The following FHIT variants were observed in gnomAD, a reference collection of about 807,000 sequenced individuals.
The protein encoded by FHIT is bis(5'-adenosyl)-triphosphatase.
In FHIT, 19 loss-of-function variants were observed where a neutral mutation model predicts 17.9. The ratio of observed to expected loss-of-function variants is 1.06; its 90% confidence interval spans 0.74 to 1.56. FHIT has a LOEUF of 1.56. Ranked by LOEUF, FHIT falls within the 40% of genes most tolerant of loss-of-function variation. The pLI, the probability that FHIT is intolerant of heterozygous loss-of-function variation, is 0.00. For missense variants in FHIT, 248 were observed against 189.2 expected (o/e 1.31, Z -1.82); for synonymous variants, 81 against 69.7 (o/e 1.16, Z -0.81).
chr3:59,898,643 T>C (rs1704185495), intron 8 of FHIT, among the ~76,000 whole-genome samples: 1 of 152,158 alleles, frequency 6.6e-6, no homozygotes, highest in African/African-American at 2.4e-5. Flanking sequence ...AGAATCTTTT[T>C]TTTTCTTCTT....
At chr3:60,511,714 A>G (rs1400387283) in intron 5 of FHIT, among the ~76,000 whole-genome samples, 1 of 152,162 alleles carries the variant, frequency 6.6e-6, no homozygotes, top group Non-Finnish European at 1.5e-5. Context: ...TAATGCCCAG[A>G]TCTTGGTTTC....
At chr3:60,471,816 CCT>C (rs2033102576) in intron 5 of FHIT, among the ~76,000 whole-genome samples, 1 of 152,140 alleles carries the variant, frequency 6.6e-6, no homozygotes, top group East Asian at 1.9e-4. Context: ...CCACCCCACC[CCT>C]CTCACATTCT....
intron 9 of FHIT, chr3:59,750,623 A>G (rs1700842743): frequency 4.5e-6 from 1 of 223,300 alleles, no homozygotes; most frequent in African/African-American, 2.2e-5. Context: ...TGACAAACTT[A>G]TGACATGGGA....
At chr3:61,137,931 C>G (rs1261315290) in intron 2 of FHIT, among the ~76,000 whole-genome samples, 1 of 152,148 alleles carries the variant, frequency 6.6e-6, no homozygotes, top group Non-Finnish European at 1.5e-5. Flanking sequence ...TTTCTTTCTC[C>G]CTCTCTCTTG....
intron 5 of FHIT, among the ~76,000 whole-genome samples, chr3:60,474,239 T>A (rs965975612): frequency 2.0e-5 from 3 of 152,212 alleles, no homozygotes; most frequent in Non-Finnish European, 2.9e-5. Flanking sequence ...CCTAAATAAT[T>A]TTCTTCATTA....
intron 4 of FHIT, among the ~76,000 whole-genome samples, chr3:60,583,148 G>T (rs541910165): frequency 6.6e-6 from 1 of 151,796 alleles, no homozygotes; most frequent in African/African-American, 2.4e-5. Flanking sequence ...GAGGTGATTC[G>T]GGCAGAATGA....
At position 61,241,780 on chromosome 3, in the gene FHIT, G is replaced by A. The variant is rs76316910; in HGVS notation, c.-213+9521C>T. On this transcript the variant is annotated intron_variant, in intron 1 of 9. Transcript: ENST00000492590. ...TTAAGTTACAGAATCCTGAAAATGT[G>A]TATCTTTTGTGAACTTCTCAAGCAG... is the stretch of plus-strand genomic sequence containing the variant. Among the ~76,000 whole-genome samples, 855 of 152,304 alleles carry A rather than the reference G, an allele frequency of 5.6e-3. 13 individuals carry two copies. Among genetic ancestry groups the A allele is most frequent in the African/African-American group, 0.019 (804 of 41,562 alleles).
intron 5 of FHIT, among the ~76,000 whole-genome samples, chr3:60,139,203 G>T (rs1422289007): frequency 6.6e-6 from 1 of 152,196 alleles, no homozygotes; most frequent in Non-Finnish European, 1.5e-5. Flanking sequence ...TTTCAGTACA[G>T]GAAGGCACGT....
chr3:60,965,503 A>T (rs1349178879), intron 3 of FHIT, among the ~76,000 whole-genome samples: 1 of 152,156 alleles, frequency 6.6e-6, no homozygotes, highest in Admixed American at 6.5e-5. Context: ...CCTTTGTAGG[A>T]GAAGAGGCAC....
chr3:60,686,978 T>A (rs1382568127), intron 4 of FHIT, among the ~76,000 whole-genome samples: 1 of 152,226 alleles, frequency 6.6e-6, no homozygotes. Context: ...GTTTGTGTTT[T>A]GTGAGGGTTT....
chr3:61,118,728 C>T (rs1337093404), intron 2 of FHIT, among the ~76,000 whole-genome samples: 3 of 152,130 alleles, frequency 2.0e-5, no homozygotes, highest in Non-Finnish European at 4.4e-5. Flanking sequence ...ATTGTACCTA[C>T]TGGAGTGTTG....
intron 8 of FHIT, among the ~76,000 whole-genome samples, chr3:59,912,366 G>T (rs1005177072): frequency 6.6e-6 from 1 of 152,186 alleles, no homozygotes; most frequent in Non-Finnish European, 1.5e-5. Flanking sequence ...AAGTGCAGTT[G>T]TTTATTCCAG....
intron 3 of FHIT, among the ~76,000 whole-genome samples, chr3:60,919,850 A>G (rs781851641): frequency 2.6e-5 from 4 of 152,108 alleles, no homozygotes; most frequent in Non-Finnish European, 5.9e-5. Flanking sequence ...CCTGGCCAAC[A>G]TGGTGAAACC....
At chr3:59,750,894 A>C (rs1190714855) in intron 9 of FHIT, 1 of 198,978 alleles carries the variant, frequency 5.0e-6, no homozygotes, top group Non-Finnish European at 1.0e-5. Flanking sequence ...TTTTCCAATC[A>C]ATTGCTAACA....
rs189546143 is a variant in FHIT, at chr3:60,731,003, C to T, written c.-18+90916G>A. Among the ~76,000 whole-genome samples, 270 of 150,982 alleles carry T rather than the reference C, an allele frequency of 1.8e-3. 3 individuals are homozygous for T. The highest frequency in any genetic ancestry group is 0.012 in the South Asian group (59 of 4,758). On this transcript the variant is annotated intron_variant, in intron 4 of 9. Transcript: ENST00000492590. ...AAAATTAGCCCAGCGTGGTGGCACGCGCCCGTAATCCCAGCTACTTGCGAG... is the reference window on the plus strand; with the variant it reads ...AAAATTAGCCCAGCGTGGTGGCACGTGCCCGTAATCCCAGCTACTTGCGAG...
chr3:59,972,426 T>G (rs1171762261), intron 7 of FHIT, among the ~76,000 whole-genome samples: 1 of 152,072 alleles, frequency 6.6e-6, no homozygotes, highest in Non-Finnish European at 1.5e-5. Context: ...GCTGGGAAGG[T>G]ATCCTTGGCG....
chr3:60,263,694 T>C (rs1361042280), intron 5 of FHIT, among the ~76,000 whole-genome samples: 1 of 151,946 alleles, frequency 6.6e-6, no homozygotes, highest in African/African-American at 2.4e-5. Context: ...AATGCAAAAC[T>C]GTGGAAGAAA....
intron 8 of FHIT, among the ~76,000 whole-genome samples, chr3:59,767,237 G>A (rs558656158): frequency 9.9e-5 from 15 of 152,120 alleles, no homozygotes; most frequent in Non-Finnish European, 1.9e-4. Flanking sequence ...GGTGGCTCAC[G>A]CCTGTAATCC....
At chr3:60,444,017 C>A (rs919171206) in intron 5 of FHIT, among the ~76,000 whole-genome samples, 3 of 152,078 alleles carry the variant, frequency 2.0e-5, no homozygotes, top group African/African-American at 7.2e-5. Context: ...AGAATCCCAT[C>A]AAAAACTGGG....
Sources: allele counts gnomAD v4.1 joint callset (sites outside exome capture counted in the v4.1 genomes callset), GRCh38; gene constraint gnomAD v4.1.1; transcripts MANE v1.5; gene names NCBI Gene and HGNC (gene_info 2026-07-23, HGNC 2026-07-21).